Variants in KCNQ3 observed in about 807,000 individuals in gnomAD.
KCNQ3 encodes potassium voltage-gated channel subfamily Q member 3.
A neutral mutation model predicts 92.5 loss-of-function variants in KCNQ3; 30 were observed. The ratio of observed to expected loss-of-function variants is 0.32; its 90% CI spans 0.24 to 0.44. The LOEUF (loss-of-function observed/expected upper bound fraction) is 0.44, where lower values mean the gene tolerates loss of function less well. KCNQ3 is among the 20% of genes least tolerant of loss of function. The probability of loss-of-function intolerance (pLI) is 1.00; values close to 1 mark genes in which losing one functional copy is unlikely to be tolerated. For missense variants in KCNQ3, 913 were observed against 1,140.3 expected (o/e 0.80, Z 2.87); for synonymous variants, 450 against 468.8 (o/e 0.96, Z 0.52).
chr8:132,132,087 T>TAA (rs533420153), intron 14 of KCNQ3, 93 bp downstream of exon 14: 224 of 777,894 alleles, frequency 2.9e-4, no homozygotes, highest in Middle Eastern at 1.1e-3. Context: ...ACCTTCGTCT[T>TAA]AAAAAAAAAA....
chr8:132,246,600 T>C (rs1037170168), intron 1 of KCNQ3, among the ~76,000 whole-genome samples: 3 of 152,258 alleles, frequency 2.0e-5, no homozygotes, highest in Admixed American at 1.3e-4. Context: ...TCCAAGAAGC[T>C]GGAAATATTT....
chr8:132,289,576 A>G (rs1816783582), intron 1 of KCNQ3, among the ~76,000 whole-genome samples: 1 of 152,176 alleles, frequency 6.6e-6, no homozygotes, highest in Non-Finnish European at 1.5e-5. Context: ...CTACAAGGAT[A>G]CATAAGATTA....
chr8:132,174,134 T>G (rs770491226), intron 6 of KCNQ3, 105 bp downstream of exon 6: 2 of 812,794 alleles, frequency 2.5e-6, no homozygotes, highest in Non-Finnish European at 4.2e-6. Context: ...AGGGAGTTGG[T>G]AGGGTATAAG....
intron 1 of KCNQ3, among the ~76,000 whole-genome samples, chr8:132,359,562 C>T (rs1819109576): frequency 6.6e-6 from 1 of 152,066 alleles, no homozygotes; most frequent in South Asian, 2.1e-4. Context: ...AGAAAGAGGG[C>T]TGGGTACCAA....
At chr8:132,272,404 A>T (rs913075627) in intron 1 of KCNQ3, among the ~76,000 whole-genome samples, 2 of 152,194 alleles carry the variant, frequency 1.3e-5, no homozygotes, top group South Asian at 4.1e-4. Context: ...CTGTCTAGCT[A>T]GAAGAGTCGG....
At chr8:132,385,467 G>A (rs1479250773) in intron 1 of KCNQ3, among the ~76,000 whole-genome samples, 1 of 152,212 alleles carries the variant, frequency 6.6e-6, no homozygotes, top group Non-Finnish European at 1.5e-5. Flanking sequence ...GAGACGTGAG[G>A]CCCAATCCAA....
At chr8:132,368,147 G>A (rs1181506796) in intron 1 of KCNQ3, among the ~76,000 whole-genome samples, 10 of 152,078 alleles carry the variant, frequency 6.6e-5, no homozygotes, top group East Asian at 5.8e-4. Context: ...TAACAAAATC[G>A]TTTTCCTTAT....
chr8:132,350,409 C>A (rs1288142900), intron 1 of KCNQ3, among the ~76,000 whole-genome samples: 1 of 152,130 alleles, frequency 6.6e-6, no homozygotes, highest in Non-Finnish European at 1.5e-5. Context: ...ATCCCAGGGA[C>A]AGAAGGGTTT....
At chr8:132,402,225 G>C (rs1563896852) in intron 1 of KCNQ3, among the ~76,000 whole-genome samples, 1 of 152,250 alleles carries the variant, frequency 6.6e-6, no homozygotes, top group East Asian at 1.9e-4. Context: ...ATGGCCTGTT[G>C]AGTGCCAACT....
intron 1 of KCNQ3, among the ~76,000 whole-genome samples, chr8:132,359,787 G>C (rs539965955): frequency 6.6e-6 from 1 of 152,304 alleles, no homozygotes; most frequent in East Asian, 1.9e-4. Flanking sequence ...GCACACCCAG[G>C]TCAAGGCACT....
chr8:132,320,268 C>T (rs1284254939), intron 1 of KCNQ3, among the ~76,000 whole-genome samples: 1 of 152,182 alleles, frequency 6.6e-6, no homozygotes, highest in East Asian at 1.9e-4. Context: ...TGACCTTGCA[C>T]AAGCTACTAA....
intron 1 of KCNQ3, among the ~76,000 whole-genome samples, chr8:132,397,026 T>C (rs192791024): frequency 5.3e-5 from 8 of 152,126 alleles, no homozygotes; most frequent in African/African-American, 1.9e-4. Flanking sequence ...GGAGAGCCTC[T>C]CTAGTTGGTG....
intron 1 of KCNQ3, among the ~76,000 whole-genome samples, chr8:132,212,386 T>C (rs373514398): frequency 1.0e-3 from 159 of 152,226 alleles, no homozygotes; most frequent in African/African-American, 3.7e-3. Flanking sequence ...TGGAAACATA[T>C]GGAATACCAC....
chr8:132,204,578 C>A (rs1369028974), intron 1 of KCNQ3, among the ~76,000 whole-genome samples: 2 of 152,200 alleles, frequency 1.3e-5, no homozygotes, highest in African/African-American at 2.4e-5. Flanking sequence ...TCCTAACCCA[C>A]CATCTCTTCA....
chr8:132,267,839 T>C (rs1427249948), intron 1 of KCNQ3, among the ~76,000 whole-genome samples: 2 of 152,206 alleles, frequency 1.3e-5, no homozygotes, highest in Non-Finnish European at 2.9e-5. Flanking sequence ...ATCTTCCATA[T>C]ATCCCTGTCC....
intron 1 of KCNQ3, chr8:132,186,641 T>C (rs1380691593): frequency 3.3e-6 from 1 of 304,462 alleles, no homozygotes; most frequent in African/African-American, 2.2e-5. Flanking sequence ...GATTGAAAAA[T>C]TCAGCAAAGG....
chr8:132,299,161 CATATAT>C (rs35617146), intron 1 of KCNQ3, among the ~76,000 whole-genome samples: 194 of 140,232 alleles, frequency 1.4e-3, no homozygotes, highest in Middle Eastern at 7.6e-3. Flanking sequence ...GCACATAGTA[CATATAT>C]ATATATATAT....
intron 1 of KCNQ3, among the ~76,000 whole-genome samples, chr8:132,382,334 G>A (rs1387717378): frequency 1.3e-5 from 2 of 152,130 alleles, no homozygotes; most frequent in African/African-American, 4.8e-5. Flanking sequence ...ATCAGTTCAT[G>A]TGAGAGCCGG....
chr8:132,280,683 G>A (rs911099819), intron 1 of KCNQ3, among the ~76,000 whole-genome samples: 4 of 152,190 alleles, frequency 2.6e-5, no homozygotes, highest in African/African-American at 9.6e-5. Flanking sequence ...GCTGAGAGAT[G>A]AGGGACAAAG....
Sources: gnomAD v4.1 joint callset for allele counts (sites outside exome capture counted in the v4.1 genomes callset) on GRCh38, gnomAD v4.1.1 for gene constraint, MANE v1.5 for transcripts, NCBI Gene and HGNC (gene_info 2026-07-23, HGNC 2026-07-21) for gene names.